Variants in MMP26 observed in about 807,000 individuals in gnomAD.
MMP26 encodes the protein matrix metalloproteinase-26.
A neutral mutation model predicts 31.0 loss-of-function variants in MMP26; 33 were observed. That is an observed-to-expected ratio of 1.06 (90% CI 0.81 to 1.42). MMP26 has a LOEUF of 1.42. MMP26 is among the 40% of genes most tolerant of loss of function. The pLI is 0.00. For synonymous variants in MMP26, 122 were observed against 114.9 expected (o/e 1.06, Z -0.40); for missense variants, 347 against 316.1 (o/e 1.10, Z -0.74).
rs149925634 is a variant in MMP26 at position 4,860,003 on chromosome 11, G to A, written c.-145+92662G>A. 112 of 471,068 alleles carry A rather than the reference G, an allele frequency of 2.4e-4. 2 individuals are homozygous for A. In the East Asian group the frequency reaches 4.1e-3, roughly 17 times the overall value. 29.2% of individuals were successfully genotyped at this position (471,068 alleles called of 1,614,324 possible). On this transcript the variant is annotated intron_variant, in intron 2 of 7. Coordinates refer to ENST00000380390, the MANE Select transcript of MMP26 (RefSeq NM_021801.5). ...ATGCGGGTGCTGGCACAAGCTAGCC[G>A]CATCATGTTTTGGTGAAGACAGTAT...
chr11:4,753,107 A>G (rs937663823), intron 1 of MMP26, among the ~76,000 whole-genome samples: 7 of 152,134 alleles, frequency 4.6e-5, no homozygotes, highest in Non-Finnish European at 8.8e-5. Context: ...AGCTCAAGGA[A>G]GTTTGACATC....
At chr11:4,781,961 G>T (rs571323409) in intron 2 of MMP26, among the ~76,000 whole-genome samples, 2 of 152,246 alleles carry the variant, frequency 1.3e-5, no homozygotes, top group South Asian at 4.1e-4. Flanking sequence ...TGATTGTGAG[G>T]CTTCCCTAGC....
At chr11:4,719,516 G>A (rs1368665508) in intron 1 of MMP26, 5 of 153,644 alleles carry the variant, frequency 3.3e-5, no homozygotes, top group Admixed American at 6.5e-5. Context: ...AAACAGATAC[G>A]CTAGGCTGTG....
chr11:4,812,226 GTA>G lies in MMP26; in HGVS notation c.-145+44895_-145+44896del, dbSNP rs372342175. ...TCTATGTAGAAATATGTTGGTGTGTGTATATATATATGTATATGTATATGTGT... is the reference window on the plus strand; with the variant it reads ...TCTATGTAGAAATATGTTGGTGTGTGTATATATATGTATATGTATATGTGT... On this transcript the variant is annotated intron_variant, in intron 2 of 7. Coordinates refer to ENST00000380390, the MANE Select transcript of MMP26 (RefSeq NM_021801.5). Among the ~76,000 whole-genome samples the G allele has an allele frequency of 6.3e-3, 958 of 152,012 alleles. 13 individuals are homozygous for G. The highest frequency in any genetic ancestry group is 0.022 in the African/African-American group (905 of 41,464).
intron 1 of MMP26, among the ~76,000 whole-genome samples, chr11:4,721,586 T>A (rs887269797): frequency 1.2e-4 from 18 of 152,238 alleles, no homozygotes; most frequent in African/African-American, 4.3e-4. Flanking sequence ...CTCTCATGTC[T>A]GTTCATGAGT....
At chr11:4,726,533 A>T (rs1288385357) in intron 1 of MMP26, among the ~76,000 whole-genome samples, 1 of 152,120 alleles carries the variant, frequency 6.6e-6, no homozygotes, top group Non-Finnish European at 1.5e-5. Context: ...TTAAAATAAT[A>T]GCTAGTAAGA....
chr11:4,953,396 C>G (rs1846393265), intron 2 of MMP26, among the ~76,000 whole-genome samples: 1 of 123,618 alleles, frequency 8.1e-6, no homozygotes, highest in African/African-American at 2.7e-5. Flanking sequence ...ACACTTTATT[C>G]AAGAAGTAGA....
At chr11:4,817,471 A>G (rs922875977) in intron 2 of MMP26, among the ~76,000 whole-genome samples, 22 of 152,096 alleles carry the variant, frequency 1.4e-4, no homozygotes, top group Non-Finnish European at 8.8e-5. Context: ...CCTGTAGTCC[A>G]AGTTGCTAGG....
intron 2 of MMP26, chr11:4,848,257 T>C: frequency 6.2e-7 from 1 of 1,609,308 alleles, no homozygotes; most frequent in South Asian, 1.1e-5. Context: ...CCACCCACCT[T>C]CCTGGGCTGC....
intron 2 of MMP26, among the ~76,000 whole-genome samples, chr11:4,918,616 C>A (rs2133578427): frequency 6.6e-6 from 1 of 152,252 alleles, no homozygotes; most frequent in African/African-American, 2.4e-5. Flanking sequence ...TCGCAGAACC[C>A]ATTAGCAGTT....
chr11:4,826,684 C>G (rs1225384718), intron 2 of MMP26, among the ~76,000 whole-genome samples: 2 of 152,094 alleles, frequency 1.3e-5, no homozygotes, highest in Non-Finnish European at 2.9e-5. Context: ...CCACTACCCT[C>G]TACTGACAAA....
At chr11:4,770,986 G>GA (rs1157112889) in intron 2 of MMP26, among the ~76,000 whole-genome samples, 2 of 152,158 alleles carry the variant, frequency 1.3e-5, no homozygotes, top group Non-Finnish European at 2.9e-5. Context: ...AAAAACAGTG[G>GA]AAAATTGAGA....
intron 1 of MMP26, among the ~76,000 whole-genome samples, chr11:4,735,278 T>C (rs1197136086): frequency 6.6e-6 from 1 of 152,226 alleles, no homozygotes; most frequent in East Asian, 1.9e-4. Flanking sequence ...TAGAGCAATT[T>C]CCAGAGAATT....
intron 2 of MMP26, among the ~76,000 whole-genome samples, chr11:4,784,957 G>A (rs940429792): frequency 6.6e-6 from 1 of 152,184 alleles, no homozygotes; most frequent in East Asian, 1.9e-4. Flanking sequence ...GATTTTGAAT[G>A]TTTTCACAAA....
chr11:4,784,623 A>G (rs1848910008), intron 2 of MMP26, among the ~76,000 whole-genome samples: 1 of 152,176 alleles, frequency 6.6e-6, no homozygotes, highest in Admixed American at 6.5e-5. Context: ...CAGCTGGAAT[A>G]GGCAAGGAAA....
intron 2 of MMP26, among the ~76,000 whole-genome samples, chr11:4,964,227 G>T (rs928132172): frequency 6.6e-6 from 1 of 152,028 alleles, no homozygotes; most frequent in African/African-American, 2.4e-5. Flanking sequence ...TTTCTTCTAA[G>T]GTTTTTATAA....
chr11:4,988,073 G>A lies in MMP26; in HGVS notation c.-139G>A, dbSNP rs183545209. ...GGTCACTCTGCCCTCAGCAGGTATG[G>A]ATGATGACGCCACTCACAGATTCAA... On this transcript the variant is annotated 5_prime_UTR_variant, in exon 3 of 8. Transcript: ENST00000380390. 9.7e-4 allele frequency: 728 copies of A among 748,440 alleles called. 3 individuals are homozygous for A. The African/African-American group carries it at 0.011, about 12-fold the overall frequency. 46.4% of individuals were successfully genotyped at this position (748,440 alleles called of 1,614,324 possible).
chr11:4,882,700 C>T (rs2133539912), intron 2 of MMP26: 1 of 1,613,982 alleles, frequency 6.2e-7, no homozygotes, highest in Middle Eastern at 1.7e-4. Context: ...ACCGCCTCTT[C>T]CACTCCACCC....
chr11:4,845,526 T>C (rs1849854809), intron 2 of MMP26, among the ~76,000 whole-genome samples: 2 of 152,222 alleles, frequency 1.3e-5, no homozygotes, highest in Non-Finnish European at 2.9e-5. Flanking sequence ...TCCAGGACAT[T>C]GATCTGGGTA....
Sources: gnomAD v4.1 joint callset for allele counts (sites outside exome capture counted in the v4.1 genomes callset) on GRCh38, gnomAD v4.1.1 for gene constraint, MANE v1.5 for transcripts, NCBI Gene and HGNC (gene_info 2026-07-23, HGNC 2026-07-21) for gene names.